NOX4: variants seen among roughly 807,000 people sequenced by gnomAD.
NOX4 encodes the protein kidney oxidase-1.
In NOX4, 69 loss-of-function variants were observed where a neutral mutation model predicts 87.6. The observed-to-expected ratio is 0.79, with a 90% CI of 0.65 to 0.96. The LOEUF (loss-of-function observed/expected upper bound fraction) is 0.96. Ranked by LOEUF, NOX4 falls within the 40% of genes least tolerant of loss-of-function variation. NOX4 has a pLI of 0.00. For missense variants in NOX4, 680 were observed against 681.5 expected (o/e 1.00, Z 0.02); for synonymous variants, 275 against 238.2 (o/e 1.15, Z -1.42).
chr11:89,531,892 C>A, the NOX4 span, among the ~76,000 whole-genome samples: 6 of 152,236 alleles, frequency 3.9e-5, no homozygotes, highest in Admixed American at 2.0e-4. Flanking sequence ...CCAGCTCCAA[C>A]CATGGCTAAA....
chr11:89,532,447 GT>G, the NOX4 span, among the ~76,000 whole-genome samples: 1 of 152,124 alleles, frequency 6.6e-6, no homozygotes, highest in Non-Finnish European at 1.5e-5. Context: ...TAGTCCCTTT[GT>G]TTTGGCCAAT....
chr11:89,458,972 A>G (rs945092023), intron 2 of NOX4, among the ~76,000 whole-genome samples: 3 of 152,224 alleles, frequency 2.0e-5, no homozygotes, highest in Admixed American at 2.0e-4. Flanking sequence ...CCAAAGGGAT[A>G]TAAATCATTC....
intron 2 of NOX4, among the ~76,000 whole-genome samples, chr11:89,457,983 C>G (rs960910508): frequency 2.6e-5 from 4 of 152,014 alleles, no homozygotes; most frequent in African/African-American, 9.7e-5. Flanking sequence ...CCATACTGGC[C>G]AAAGCAATTT....
the NOX4 span, among the ~76,000 whole-genome samples, chr11:89,571,045 TA>T: frequency 6.6e-6 from 1 of 152,234 alleles, no homozygotes. Context: ...AATTAATCCA[TA>T]TTTTTACTTG....
At chr11:89,483,171 G>A (rs376131943) in intron 2 of NOX4, among the ~76,000 whole-genome samples, 7 of 152,070 alleles carry the variant, frequency 4.6e-5, no homozygotes, top group Admixed American at 2.6e-4. Flanking sequence ...GATTATAAAA[G>A]GGGCCAAGAA....
At chr11:89,368,480 T>C (rs1804205468) in intron 12 of NOX4, among the ~76,000 whole-genome samples, 1 of 152,104 alleles carries the variant, frequency 6.6e-6, no homozygotes, top group African/African-American at 2.4e-5. Context: ...TCTCCGCTTC[T>C]AAGCTGGTGC....
upstream of NOX4, among the ~76,000 whole-genome samples, chr11:89,501,400 G>T (rs900045569): frequency 6.6e-6 from 1 of 151,930 alleles, no homozygotes; most frequent in Non-Finnish European, 1.5e-5. Flanking sequence ...TGGTATTAAG[G>T]TCGCTTATAT....
intron 7 of NOX4, among the ~76,000 whole-genome samples, chr11:89,429,111 T>A (rs1028886954): frequency 6.6e-6 from 1 of 152,168 alleles, no homozygotes; most frequent in Non-Finnish European, 1.5e-5. Context: ...GAATGACTAC[T>A]GGGTACATAA....
the NOX4 span, among the ~76,000 whole-genome samples, chr11:89,544,129 A>G: frequency 5.3e-5 from 8 of 152,164 alleles, no homozygotes; most frequent in African/African-American, 1.9e-4. Context: ...AGGCATGGGC[A>G]ATGATTTGGT....
At chr11:89,329,538 T>C (rs964625317) in intron 17 of NOX4, among the ~76,000 whole-genome samples, 3 of 149,530 alleles carry the variant, frequency 2.0e-5, no homozygotes, top group Admixed American at 6.7e-5. Flanking sequence ...AAGGAAACTA[T>C]ACCTAGGCAA....
chr11:89,508,664 G>T, the NOX4 span, among the ~76,000 whole-genome samples: 4 of 152,010 alleles, frequency 2.6e-5, no homozygotes, highest in African/African-American at 9.7e-5. Context: ...GAGAGGATGG[G>T]AGTAAAAAAG....
chr11:89,337,546 T>C lies in NOX4; in HGVS notation c.1447-31A>G. 2.5e-6 allele frequency: 4 copies of C among 1,605,920 alleles called. No individual in the cohort carries two copies. In the South Asian group the frequency reaches 4.4e-5, roughly 18 times the overall value. On this transcript the variant is annotated intron_variant, in intron 15 of 17. Coordinates refer to ENST00000263317, the MANE Select transcript of NOX4 (RefSeq NM_016931.5). ...AGGACAGAAAAAGGAATAGACTTATTACAATTCTGTGGGTATACTCAGATT... is the reference window on the plus strand; with the variant it reads ...AGGACAGAAAAAGGAATAGACTTATCACAATTCTGTGGGTATACTCAGATT...
At chr11:89,474,118 C>A (rs955399610) in intron 2 of NOX4, among the ~76,000 whole-genome samples, 1 of 152,054 alleles carries the variant, frequency 6.6e-6, no homozygotes, top group Non-Finnish European at 1.5e-5. Flanking sequence ...GCGGTTTTTA[C>A]TTTCCATGGC....
upstream of NOX4, among the ~76,000 whole-genome samples, chr11:89,502,246 T>C (rs546178604): frequency 6.6e-6 from 1 of 152,088 alleles, no homozygotes; most frequent in Admixed American, 6.6e-5. Flanking sequence ...CACTTACTAA[T>C]AGAACCCCAC....
the NOX4 span, among the ~76,000 whole-genome samples, chr11:89,559,362 G>C: frequency 3.3e-5 from 5 of 152,082 alleles, no homozygotes; most frequent in Non-Finnish European, 7.4e-5. Flanking sequence ...ATGAAGATGA[G>C]GCCTAAAGGA....
At chr11:89,360,949 A>G (rs1470442590) in intron 12 of NOX4, among the ~76,000 whole-genome samples, 1 of 152,106 alleles carries the variant, frequency 6.6e-6, no homozygotes, top group East Asian at 1.9e-4. Context: ...TCTAAAAACA[A>G]TAGATGTTGG....
the NOX4 span, among the ~76,000 whole-genome samples, chr11:89,518,182 T>C: frequency 1.3e-5 from 2 of 152,008 alleles, no homozygotes; most frequent in East Asian, 3.9e-4. Context: ...AAGTAAAGAA[T>C]AGAAATAAAA....
chr11:89,483,243 A>G (rs1422717546), intron 2 of NOX4, among the ~76,000 whole-genome samples: 1 of 152,142 alleles, frequency 6.6e-6, no homozygotes, highest in Non-Finnish European at 1.5e-5. Flanking sequence ...GTTGAGCCAT[A>G]TAAAATGGCT....
chr11:89,441,585 T>G (rs1591264365), intron 5 of NOX4, among the ~76,000 whole-genome samples: 1 of 152,144 alleles, frequency 6.6e-6, no homozygotes, highest in Admixed American at 6.6e-5. Flanking sequence ...TGACTTCTAT[T>G]CCAACTATTA....
Sources: allele counts gnomAD v4.1 joint callset (sites outside exome capture counted in the v4.1 genomes callset), GRCh38; gene constraint gnomAD v4.1.1; transcripts MANE v1.5; gene names NCBI Gene and HGNC (gene_info 2026-07-23, HGNC 2026-07-21).